SLIT3: variants seen among roughly 807,000 people sequenced by gnomAD.
SLIT3 encodes the protein slit homolog 3 protein.
Under a neutral mutation model 184.0 loss-of-function variants are expected in SLIT3, and 68 were observed. The ratio of observed to expected loss-of-function variants is 0.37; its 90% CI spans 0.30 to 0.45. SLIT3 has a LOEUF of 0.45. Ranked by LOEUF, SLIT3 falls within the 20% of genes least tolerant of loss-of-function variation. SLIT3 has a pLI of 1.00. For missense variants in SLIT3, 1,707 were observed against 2,026.0 expected (o/e 0.84, Z 3.02); for synonymous variants, 831 against 828.6 (o/e 1.00, Z -0.05).
intron 4 of SLIT3, among the ~76,000 whole-genome samples, chr5:169,189,282 A>G (rs781328257): frequency 6.6e-6 from 1 of 151,914 alleles, no homozygotes; most frequent in Non-Finnish European, 1.5e-5. Flanking sequence ...TTTGAGCATA[A>G]CTTCAGCTGC....
In SLIT3 at chr5:168,785,633, C is replaced by T. The variant is rs190827807; in HGVS notation, c.1151+274G>A. ...ATTTGACTCTTTCCTAATCTCTATC[C>T]CCAGACCCTGTGCTTAGTATCTTCA... On this transcript the variant is annotated intron_variant, in intron 12 of 35. Coordinates refer to ENST00000519560, the MANE Select transcript of SLIT3 (RefSeq NM_003062.4). 3.3e-5 allele frequency among the ~76,000 whole-genome samples: 5 copies of T among 152,290 alleles called. No homozygotes were observed. In the East Asian group the frequency reaches 5.8e-4, roughly 18 times the overall value.
At chr5:169,079,912 G>A (rs1394623053) in intron 4 of SLIT3, among the ~76,000 whole-genome samples, 3 of 148,344 alleles carry the variant, frequency 2.0e-5, no homozygotes, top group African/African-American at 5.1e-5. Flanking sequence ...AAGAAGAAGA[G>A]GAGGAAGAGG....
chr5:169,083,251 C>A (rs183646071), intron 4 of SLIT3, among the ~76,000 whole-genome samples: 43 of 152,208 alleles, frequency 2.8e-4, no homozygotes, highest in African/African-American at 9.6e-4. Context: ...GATACATGTG[C>A]GAATATACAC....
chr5:169,011,856 GC>G (rs565500151), intron 4 of SLIT3, among the ~76,000 whole-genome samples: 9 of 151,946 alleles, frequency 5.9e-5, no homozygotes, highest in Non-Finnish European at 1.2e-4. Context: ...TTCTGGGGAA[GC>G]CCCCTGTATA....
At chr5:169,071,446 T>C (rs2113126265) in intron 4 of SLIT3, among the ~76,000 whole-genome samples, 1 of 152,238 alleles carries the variant, frequency 6.6e-6, no homozygotes, top group East Asian at 1.9e-4. Context: ...GAAAGAGCGT[T>C]TGAGGGAAAG....
chr5:168,677,875 G>A (rs1488493540), intron 32 of SLIT3, among the ~76,000 whole-genome samples: 1 of 152,166 alleles, frequency 6.6e-6, no homozygotes, highest in East Asian at 1.9e-4. Context: ...CAACTGGGGT[G>A]GGGGAGTAGG....
chr5:168,990,214 C>T (rs367568319), intron 4 of SLIT3, among the ~76,000 whole-genome samples: 1 of 152,332 alleles, frequency 6.6e-6, no homozygotes, highest in East Asian at 1.9e-4. Flanking sequence ...AAAGCATAGC[C>T]ACGAGCCACC....
rs542810422 is a variant in SLIT3 at position 168,705,410 on chromosome 5, G to C, written c.2844+2566C>G. 4.6e-5 allele frequency among the ~76,000 whole-genome samples: 7 copies of C among 152,096 alleles called. No individual in the cohort carries two copies. The South Asian group carries it at 1.5e-3, about 32-fold the overall frequency. On this transcript the variant is annotated intron_variant, in intron 26 of 35. Transcript: ENST00000519560. ...CATAGTAGATACTCAATAAATGCTG[G>C]CTCTTATGTTACTGTTATTATCATA...
chr5:168,885,539 G>A (rs555985801), intron 4 of SLIT3, among the ~76,000 whole-genome samples: 1 of 152,340 alleles, frequency 6.6e-6, no homozygotes, highest in East Asian at 1.9e-4. Context: ...AGCACCCGAG[G>A]CTCTGGCAGT....
At chr5:168,984,043 C>T (rs1432616515) in intron 4 of SLIT3, among the ~76,000 whole-genome samples, 2 of 151,250 alleles carry the variant, frequency 1.3e-5, no homozygotes, top group Admixed American at 6.6e-5. Flanking sequence ...GAGAGAAACC[C>T]TGTCTCAAAA....
At chr5:168,690,346 G>T (rs1761869085) in intron 29 of SLIT3, among the ~76,000 whole-genome samples, 1 of 151,988 alleles carries the variant, frequency 6.6e-6, no homozygotes, top group South Asian at 2.1e-4. Flanking sequence ...TGTTGGCCAG[G>T]GTGGCCCCTA....
chr5:169,068,691 G>A (rs78021778), intron 4 of SLIT3, among the ~76,000 whole-genome samples: 2,509 of 152,240 alleles, frequency 0.016, 76 homozygotes, highest in African/African-American at 0.057. Flanking sequence ...CCCCCAGCAA[G>A]TTTCAGGATG....
At chr5:168,960,270 T>C (rs1278074421) in intron 4 of SLIT3, among the ~76,000 whole-genome samples, 2 of 152,206 alleles carry the variant, frequency 1.3e-5, no homozygotes, top group African/African-American at 2.4e-5. Context: ...CACACATAGA[T>C]GAGTGCATAG....
intron 5 of SLIT3, among the ~76,000 whole-genome samples, chr5:168,875,079 GA>G (rs1466384363): frequency 1.3e-5 from 2 of 151,326 alleles, no homozygotes; most frequent in Non-Finnish European, 2.9e-5. Flanking sequence ...AAGGGAGGAA[GA>G]GGGGGAGGAA....
chr5:169,118,756 T>C (rs1003015604), intron 4 of SLIT3, among the ~76,000 whole-genome samples: 6 of 152,254 alleles, frequency 3.9e-5, no homozygotes, highest in East Asian at 3.8e-4. Context: ...GCCACTCTGA[T>C]AGTGACTTGC....
At chr5:168,996,740 A>T (rs1263575162) in intron 4 of SLIT3, among the ~76,000 whole-genome samples, 1 of 152,152 alleles carries the variant, frequency 6.6e-6, no homozygotes, top group Non-Finnish European at 1.5e-5. Context: ...CAGGTCATCC[A>T]TCCAATCCCC....
intron 4 of SLIT3, among the ~76,000 whole-genome samples, chr5:168,980,713 C>T (rs546752550): frequency 1.4e-4 from 21 of 152,256 alleles, no homozygotes; most frequent in East Asian, 3.9e-4. Context: ...AGATTTACAA[C>T]GGTATCAGCA....
intron 20 of SLIT3, among the ~76,000 whole-genome samples, chr5:168,727,653 T>C (rs1763171945): frequency 1.3e-5 from 2 of 152,306 alleles, no homozygotes; most frequent in South Asian, 2.1e-4. Flanking sequence ...AGGCCTCTCA[T>C]CTGTACTCAC....
chr5:169,215,815 T>C (rs1764416415), intron 3 of SLIT3, among the ~76,000 whole-genome samples: 1 of 152,238 alleles, frequency 6.6e-6, no homozygotes, highest in Non-Finnish European at 1.5e-5. Flanking sequence ...AAAACTTCTT[T>C]CCTAGAATGA....
Sources: allele counts gnomAD v4.1 joint callset (sites outside exome capture counted in the v4.1 genomes callset), GRCh38; gene constraint gnomAD v4.1.1; transcripts MANE v1.5; gene names NCBI Gene and HGNC (gene_info 2026-07-23, HGNC 2026-07-21).